NKAIN2: variants seen among roughly 807,000 people sequenced by gnomAD.
The protein encoded by NKAIN2 is sodium/potassium-transporting ATPase subunit beta-1-interacting protein 2.
NKAIN2 carries 14 observed loss-of-function variants against 32.6 expected under a neutral mutation model. The observed-to-expected ratio is 0.43, with a 90% CI of 0.28 to 0.67. The LOEUF is 0.67. Ranked by LOEUF, NKAIN2 falls within the 30% of genes least tolerant of loss-of-function variation. The pLI, the probability that NKAIN2 is intolerant of heterozygous loss-of-function variation, is 0.17. For missense variants in NKAIN2, 198 were observed against 258.3 expected, an observed-to-expected ratio of 0.77 and a Z score of 1.60; for synonymous variants, 80 against 87.2, an observed-to-expected ratio of 0.92 and a Z score of 0.46.
At chr6:124,756,057 ACATTTGGTAT>A (rs1349613104) in intron 4 of NKAIN2, among the ~76,000 whole-genome samples, 21 of 152,034 alleles carry the variant, frequency 1.4e-4, no homozygotes, top group African/African-American at 5.1e-4. Flanking sequence ...TAAGACTACC[ACATTTGGTAT>A]ATTACCTTAG....
In NKAIN2 at chr6:124,049,420, G is replaced by A. The variant is rs562127763; in HGVS notation, c.55-233585G>A. On this transcript the variant is annotated intron_variant, in intron 1 of 6. Coordinates refer to ENST00000368417, the MANE Select transcript of NKAIN2 (RefSeq NM_001040214.3). ...TCCAGATCTCTTCCAGATGTTTAGA[G>A]CTCCCCCGGGTTTATGAAGAGAACC... 1.1e-4 allele frequency among the ~76,000 whole-genome samples: 17 copies of A among 152,016 alleles called. 1 individual carries two copies. The South Asian group carries it at 3.1e-3, about 28-fold the overall frequency.
At position 124,401,479 on chromosome 6, in the gene NKAIN2, T is replaced by C. The variant is rs567493769; in HGVS notation, c.273+46132T>C. On this transcript the variant is annotated intron_variant, in intron 3 of 6. Coordinates refer to ENST00000368417, the MANE Select transcript of NKAIN2 (RefSeq NM_001040214.3). ...ATGCTTTTGGGGGACAGCAGCAGAGTTGAATACTTGTGACAGAGACCATAT... is the reference window on the plus strand; with the variant it reads ...ATGCTTTTGGGGGACAGCAGCAGAGCTGAATACTTGTGACAGAGACCATAT... Among the ~76,000 whole-genome samples the C allele has an allele frequency of 3.9e-5, 6 of 152,254 alleles. No homozygotes were observed. In the South Asian group the frequency reaches 1.2e-3, roughly 32 times the overall value.
At chr6:124,348,084 G>T (rs1411112968) in intron 2 of NKAIN2, among the ~76,000 whole-genome samples, 2 of 152,144 alleles carry the variant, frequency 1.3e-5, no homozygotes, top group African/African-American at 4.8e-5. Flanking sequence ...GTCTGTTGGA[G>T]TTTGCTAGAG....
intron 1 of NKAIN2, among the ~76,000 whole-genome samples, chr6:124,105,088 C>T (rs1785056904): frequency 1.3e-5 from 2 of 152,164 alleles, no homozygotes; most frequent in South Asian, 4.1e-4. Context: ...AGAATGAAGT[C>T]TGTCATAGTC....
At chr6:124,080,371 A>G (rs987003508) in intron 1 of NKAIN2, among the ~76,000 whole-genome samples, 11 of 152,152 alleles carry the variant, frequency 7.2e-5, no homozygotes, top group Non-Finnish European at 1.3e-4. Flanking sequence ...CAGTCTCAAT[A>G]TACGTGAGTT....
At chr6:123,821,064 C>T (rs1562199741) in intron 1 of NKAIN2, among the ~76,000 whole-genome samples, 1 of 152,172 alleles carries the variant, frequency 6.6e-6, no homozygotes, top group African/African-American at 2.4e-5. Context: ...GATCAGGATT[C>T]ATTTGGGCTG....
At chr6:124,034,058 A>G (rs895645950) in intron 1 of NKAIN2, among the ~76,000 whole-genome samples, 2 of 151,982 alleles carry the variant, frequency 1.3e-5, no homozygotes, top group Non-Finnish European at 2.9e-5. Context: ...ATAGTGATGA[A>G]CTTTTCAGCT....
intron 2 of NKAIN2, among the ~76,000 whole-genome samples, chr6:124,340,585 T>C (rs1252426578): frequency 1.3e-5 from 2 of 152,318 alleles, no homozygotes; most frequent in Non-Finnish European, 1.5e-5. Context: ...TTTGTATTCA[T>C]AAGTTTTCAT....
rs542448143 is a variant in NKAIN2, at chr6:124,759,588, AAC to A, written c.475-31684_475-31683del. On this transcript the variant is annotated intron_variant, in intron 4 of 6. Coordinates refer to ENST00000368417, the MANE Select transcript of NKAIN2 (RefSeq NM_001040214.3). The stretch of plus-strand genomic sequence containing the variant: ...CCCTAGCCACCCTGTCTGAAATTGC[AAC>A]ACACACACACACACACACACACACA... Among the ~76,000 whole-genome samples the A allele has an allele frequency of 6.0e-3, 507 of 84,478 alleles. 3 individuals are homozygous for A. The highest frequency in any genetic ancestry group is 0.02 in the African/African-American group (370 of 18,904). The allele number at this position is 84,478 out of a possible 152,430, so 55.4% of individuals were successfully genotyped here.
intron 1 of NKAIN2, among the ~76,000 whole-genome samples, chr6:124,256,885 GTTTTTTTTTTTTTT>G (rs568654193): frequency 6.6e-5 from 5 of 75,916 alleles, no homozygotes; most frequent in African/African-American, 1.9e-4. Flanking sequence ...GCTTTCTGTT[GTTTTTTTTTTTTTT>G]TTTTTTTTTT....
chr6:124,146,667 A>AG (rs1787424405), intron 1 of NKAIN2, among the ~76,000 whole-genome samples: 1 of 152,218 alleles, frequency 6.6e-6, no homozygotes, highest in African/African-American at 2.4e-5. Flanking sequence ...GTAGAATATT[A>AG]TTATTCATTA....
chr6:124,579,093 C>A (rs1341363453), intron 3 of NKAIN2, among the ~76,000 whole-genome samples: 1 of 152,092 alleles, frequency 6.6e-6, no homozygotes, highest in African/African-American at 2.4e-5. Flanking sequence ...ATTACAACAC[C>A]CAAATCCCTA....
chr6:123,954,571 T>A (rs1462875350), intron 1 of NKAIN2, among the ~76,000 whole-genome samples: 1 of 152,196 alleles, frequency 6.6e-6, no homozygotes, highest in African/African-American at 2.4e-5. Context: ...TGAAGTATGA[T>A]TACCTACTCA....
At chr6:124,412,539 TGTCTCAGAGGA>T (rs1210343913) in intron 3 of NKAIN2, among the ~76,000 whole-genome samples, 1 of 152,174 alleles carries the variant, frequency 6.6e-6, no homozygotes, top group Non-Finnish European at 1.5e-5. Context: ...CTGGAAGTTT[TGTCTCAGAGGA>T]GTACCCGGCC....
chr6:124,730,941 C>G (rs2114662973), intron 4 of NKAIN2, among the ~76,000 whole-genome samples: 1 of 127,584 alleles, frequency 7.8e-6, no homozygotes, highest in East Asian at 2.5e-4. Context: ...ATTTATGCAG[C>G]CAAAAAACAC....
rs999921017 is a variant in NKAIN2 at position 124,045,210 on chromosome 6, G to A, written c.55-237795G>A. Among the ~76,000 whole-genome samples the A allele has an allele frequency of 1.3e-5, 2 of 151,304 alleles. 1 individual carries two copies. Among genetic ancestry groups the A allele is most frequent in the Non-Finnish European group, 2.9e-5 (2 of 67,888 alleles). ...TATATATAGAATGCATCAAAACCAT[G>A]CATATATATATGAAACTACTGGTCT... On this transcript the variant is annotated intron_variant, in intron 1 of 6. Coordinates refer to ENST00000368417, the MANE Select transcript of NKAIN2 (RefSeq NM_001040214.3).
intron 5 of NKAIN2, among the ~76,000 whole-genome samples, chr6:124,792,148 A>G (rs1296748471): frequency 6.6e-6 from 1 of 152,136 alleles, no homozygotes; most frequent in Non-Finnish European, 1.5e-5. Context: ...ATAATTGCCT[A>G]TATAGTTACA....
intron 2 of NKAIN2, among the ~76,000 whole-genome samples, chr6:124,291,539 C>A (rs1431505965): frequency 1.3e-5 from 2 of 151,976 alleles, no homozygotes; most frequent in Non-Finnish European, 2.9e-5. Context: ...ACTTGTCTAA[C>A]TGAGGTAAGT....
chr6:124,806,341 A>G (rs991664963), intron 5 of NKAIN2, among the ~76,000 whole-genome samples: 1 of 152,140 alleles, frequency 6.6e-6, no homozygotes, highest in African/African-American at 2.4e-5. Flanking sequence ...TATTCAACAT[A>G]CTTAAAGAAA....
Sources: allele counts gnomAD v4.1 joint callset (sites outside exome capture counted in the v4.1 genomes callset), GRCh38; gene constraint gnomAD v4.1.1; transcripts MANE v1.5; gene names NCBI Gene and HGNC (gene_info 2026-07-23, HGNC 2026-07-21).